EYS: variants seen among roughly 807,000 people sequenced by gnomAD.
EYS encodes the protein EGF-like photoreceptor maintenance factor.
In EYS, 250 loss-of-function variants were observed where a neutral mutation model predicts 282.1. The ratio of observed to expected loss-of-function variants is 0.89; its 90% confidence interval spans 0.80 to 0.98. The LOEUF is 0.98. Among genes scored for constraint, EYS ranks in the 50% least tolerant of loss-of-function variants. The probability of loss-of-function intolerance (pLI) is 0.00; values close to 1 mark genes in which losing one functional copy is unlikely to be tolerated. For missense variants in EYS, 4,016 were observed against 3,709.0 expected, an observed-to-expected ratio of 1.08 and a Z score of -2.15; for synonymous variants, 1,355 against 1,282.9, an observed-to-expected ratio of 1.06 and a Z score of -1.20.
Position 64,388,712 on chromosome 6 carries a change from G to A in EYS, c.6056C>T (p.Pro2019Leu), listed in dbSNP as rs1772992471. 5 of 1,537,016 alleles carry A rather than the reference G, an allele frequency of 3.3e-6. No individual in the cohort carries two copies. The highest frequency in any genetic ancestry group is 2.8e-5 in the African/African-American group (2 of 72,544). Residue 2019 changes from proline (P) to leucine (L), a missense_variant, in exon 29 of 43, where the codon CCA becomes CTA. Coordinates refer to ENST00000503581, the MANE Select transcript of EYS (RefSeq NM_001142800.2). The stretch of plus-strand genomic sequence containing the variant: ...TACCTGGATTTTCCCATGAAGGTCT[G>A]GAAATCCACCAATGAAGACAGATCC... The part of the protein sequence containing the change: ...KSGSVFIGGF[P>L]DLHGKIQMPV...
chr6:65,445,903 A>G (rs1459895322), intron 5 of EYS, among the ~76,000 whole-genome samples: 4 of 151,856 alleles, frequency 2.6e-5, no homozygotes, highest in Non-Finnish European at 4.4e-5. Context: ...AATTTTCCAC[A>G]TAAAATTTCC....
At chr6:65,196,452 C>T (rs1161388440) in intron 12 of EYS, among the ~76,000 whole-genome samples, 1 of 152,016 alleles carries the variant, frequency 6.6e-6, no homozygotes. Flanking sequence ...CACTTATTTA[C>T]TCAACAAATC....
At position 64,968,051 on chromosome 6, in the gene EYS, A is replaced by T. The variant is rs188074437; in HGVS notation, c.2260-22137T>A. Reference sequence around the variant, plus strand: ...GAGGCCTTCAGAGGCAAGTGAAATGAACTAGTGCCCACAATACAACATAAA... The same window carrying T: ...GAGGCCTTCAGAGGCAAGTGAAATGTACTAGTGCCCACAATACAACATAAA... On this transcript the variant is annotated intron_variant, in intron 14 of 42. Coordinates refer to ENST00000503581, the MANE Select transcript of EYS (RefSeq NM_001142800.2). Among the ~76,000 whole-genome samples the T allele has an allele frequency of 1.8e-3, 275 of 152,316 alleles. 2 individuals carry two copies. Among genetic ancestry groups the T allele is most frequent in the Admixed American group, 3.7e-3 (57 of 15,306 alleles).
chr6:64,602,423 A>G (rs146009351), intron 24 of EYS, among the ~76,000 whole-genome samples: 2 of 152,076 alleles, frequency 1.3e-5, no homozygotes, highest in East Asian at 3.9e-4. Flanking sequence ...TGAGAGTTCA[A>G]TAGGCACCAG....
At chr6:64,450,987 A>C (rs147467895) in intron 26 of EYS, among the ~76,000 whole-genome samples, 42,079 of 152,014 alleles carry the variant, frequency 0.28, 5,942 homozygotes, top group East Asian at 0.46. Flanking sequence ...AGCTAGCAGA[A>C]GGCAAGAAAT....
chr6:65,464,299 G>A (rs533509086), intron 5 of EYS, among the ~76,000 whole-genome samples: 7 of 152,092 alleles, frequency 4.6e-5, no homozygotes, highest in African/African-American at 9.7e-5. Context: ...ACTACAGGGG[G>A]TAGATATTTC....
At chr6:64,993,343 T>C (rs1376634138) in intron 14 of EYS, among the ~76,000 whole-genome samples, 1 of 151,634 alleles carries the variant, frequency 6.6e-6, no homozygotes, top group Non-Finnish European at 1.5e-5. Context: ...ATATACCCAG[T>C]AATGGGATGG....
chr6:64,477,977 G>C (rs1009219092), intron 26 of EYS, among the ~76,000 whole-genome samples: 2 of 151,880 alleles, frequency 1.3e-5, no homozygotes, highest in African/African-American at 4.8e-5. Context: ...TTTTATTCCT[G>C]TCATTACCAT....
chr6:65,399,930 A>G (rs1169411815), intron 7 of EYS, among the ~76,000 whole-genome samples: 1 of 151,992 alleles, frequency 6.6e-6, no homozygotes, highest in African/African-American at 2.4e-5. Context: ...GCCCAATTAC[A>G]TGCTGCAATA....
In EYS at chr6:64,540,182, G is replaced by A. The variant is rs148963333; in HGVS notation, c.5644+50041C>T. ...TGAGGAAGCAACTTTAAATCCTGTG[G>A]GGAGAATTTCTATTGCAACCTCAAT... On this transcript the variant is annotated intron_variant, in intron 26 of 42. Coordinates refer to ENST00000503581, the MANE Select transcript of EYS (RefSeq NM_001142800.2). 3.8e-3 allele frequency among the ~76,000 whole-genome samples: 584 copies of A among 152,266 alleles called. 8 individuals carry two copies. The highest frequency in any genetic ancestry group is 0.013 in the African/African-American group (551 of 41,550).
At chr6:65,191,816 CAAAG>C (rs1355536018) in intron 12 of EYS, among the ~76,000 whole-genome samples, 1 of 151,824 alleles carries the variant, frequency 6.6e-6, no homozygotes, top group Non-Finnish European at 1.5e-5. Flanking sequence ...TGCAGAGCTA[CAAAG>C]AAAGGTTCTG....
intron 12 of EYS, among the ~76,000 whole-genome samples, chr6:65,253,261 A>AT (rs1367830363): frequency 6.6e-6 from 1 of 151,994 alleles, no homozygotes; most frequent in Non-Finnish European, 1.5e-5. Flanking sequence ...CTAGGCTCTA[A>AT]TCTATTCCAA....
intron 28 of EYS, among the ~76,000 whole-genome samples, chr6:64,431,448 C>T (rs1774572560): frequency 6.6e-6 from 1 of 152,038 alleles, no homozygotes; most frequent in Admixed American, 6.6e-5. Context: ...CCAATTTAAT[C>T]CATAAAAGAG....
intron 41 of EYS, among the ~76,000 whole-genome samples, chr6:63,735,610 T>C (rs999067832): frequency 6.6e-6 from 1 of 151,994 alleles, no homozygotes; most frequent in Admixed American, 6.6e-5. Flanking sequence ...ATGTTTCCCG[T>C]AAACAAGGAT....
At chr6:63,932,591 T>G (rs2149752154) in intron 35 of EYS, among the ~76,000 whole-genome samples, 2 of 152,324 alleles carry the variant, frequency 1.3e-5, no homozygotes, top group South Asian at 4.1e-4. Context: ...CTATGCCCAC[T>G]GCTGCTTTGC....
chr6:65,353,423 C>T (rs1391360819), intron 9 of EYS, 35 bp downstream of exon 9: 2 of 1,600,036 alleles, frequency 1.2e-6, no homozygotes, highest in Non-Finnish European at 1.7e-6. Flanking sequence ...TGAAATGATT[C>T]AAGCAGATTG....
intron 2 of EYS, among the ~76,000 whole-genome samples, chr6:65,507,734 T>C (rs1030484777): frequency 6.6e-6 from 1 of 152,126 alleles, no homozygotes; most frequent in African/African-American, 2.4e-5. Flanking sequence ...AATGAACCTA[T>C]CAATGGTCTT....
chr6:64,750,220 A>G (rs888882616), intron 22 of EYS, among the ~76,000 whole-genome samples: 1 of 152,080 alleles, frequency 6.6e-6, no homozygotes, highest in Non-Finnish European at 1.5e-5. Context: ...TAAAATAGAG[A>G]GCAAAAGAAG....
At chr6:65,195,981 A>G (rs1426521464) in intron 12 of EYS, among the ~76,000 whole-genome samples, 2 of 152,082 alleles carry the variant, frequency 1.3e-5, no homozygotes, top group Non-Finnish European at 2.9e-5. Context: ...CATGAAATGG[A>G]AAGGACATTA....
Sources: allele counts gnomAD v4.1 joint callset (sites outside exome capture counted in the v4.1 genomes callset), GRCh38; gene constraint gnomAD v4.1.1; transcripts MANE v1.5; gene names NCBI Gene and HGNC (gene_info 2026-07-23, HGNC 2026-07-21).